LMTK2: variants seen among roughly 807,000 people sequenced by gnomAD.
The protein encoded by LMTK2 is serine/threonine-protein kinase LMTK2.
In LMTK2, 37 loss-of-function variants were observed where a neutral mutation model predicts 127.5. The observed-to-expected ratio is 0.29, with a 90% CI of 0.22 to 0.38. The LOEUF (loss-of-function observed/expected upper bound fraction) is 0.38. Ranked by LOEUF, LMTK2 falls within the 10% of genes least tolerant of loss-of-function variation. LMTK2 has a pLI of 1.00. For missense variants in LMTK2, 1,694 were observed against 1,920.3 expected (o/e 0.88, Z 2.20); for synonymous variants, 819 against 810.1 (o/e 1.01, Z -0.19).
At chr7:98,154,262 T>C (rs747254859) in intron 4 of LMTK2, among the ~76,000 whole-genome samples, 1 of 152,212 alleles carries the variant, frequency 6.6e-6, no homozygotes, top group Non-Finnish European at 1.5e-5. Flanking sequence ...CCGGGTATCA[T>C]TGGATGGAGT....
At chr7:98,187,350 T>A (rs1797451831) in intron 9 of LMTK2, among the ~76,000 whole-genome samples, 1 of 152,180 alleles carries the variant, frequency 6.6e-6, no homozygotes, top group South Asian at 2.1e-4. Flanking sequence ...ATGTTTATAC[T>A]ATGATTTATA....
In LMTK2 at chr7:98,202,164, C is replaced by A. The variant is rs79274119; in HGVS notation, c.4108-1410C>A. 1.3e-3 allele frequency among the ~76,000 whole-genome samples: 192 copies of A among 151,944 alleles called. 1 individual carries two copies. Among genetic ancestry groups the A allele is most frequent in the African/African-American group, 4.4e-3 (182 of 41,394 alleles). The stretch of plus-strand genomic sequence containing the variant: ...TTTGGATTGGGTGATTTCTGTTGCT[C>A]TGTCTTCAAGGTCCCTGATGATTTC... On this transcript the variant is annotated intron_variant, in intron 11 of 13. Coordinates refer to ENST00000297293, the MANE Select transcript of LMTK2 (RefSeq NM_014916.4).
intron 1 of LMTK2, among the ~76,000 whole-genome samples, chr7:98,115,407 C>G (rs1796263940): frequency 6.7e-6 from 1 of 148,286 alleles, no homozygotes; most frequent in South Asian, 2.1e-4. Flanking sequence ...CAGAGCGAGA[C>G]TCAAAGAAAG....
chr7:98,132,825 TTTAG>T (rs954497205), intron 1 of LMTK2, among the ~76,000 whole-genome samples: 7 of 152,158 alleles, frequency 4.6e-5, no homozygotes, highest in African/African-American at 1.7e-4. Context: ...CAGACAACTC[TTTAG>T]TTAATTACAT....
intron 3 of LMTK2, among the ~76,000 whole-genome samples, chr7:98,147,848 C>G (rs1024460433): frequency 1.3e-5 from 2 of 152,188 alleles, no homozygotes; most frequent in East Asian, 3.9e-4. Context: ...GAAACTCATT[C>G]TCCTGGTTTC....
intron 6 of LMTK2, among the ~76,000 whole-genome samples, chr7:98,168,530 C>T (rs1797137091): frequency 6.6e-6 from 1 of 152,208 alleles, no homozygotes; most frequent in Non-Finnish European, 1.5e-5. Context: ...ATGTTTTTCC[C>T]CAGAATCATC....
chr7:98,162,905 A>G (rs556885011), intron 6 of LMTK2, among the ~76,000 whole-genome samples: 1 of 152,304 alleles, frequency 6.6e-6, no homozygotes, highest in African/African-American at 2.4e-5. Flanking sequence ...CGATGGGTGA[A>G]TGGATAAACC....
chr7:98,129,875 A>G (rs549234316), intron 1 of LMTK2, among the ~76,000 whole-genome samples: 13 of 152,236 alleles, frequency 8.5e-5, no homozygotes, highest in African/African-American at 2.9e-4. Context: ...GGATTATACA[A>G]GCCTGGCCCG....
Position 98,117,346 on chromosome 7 carries a change from C to A in LMTK2, c.103+10066C>A, listed in dbSNP as rs143353814. 4.4e-3 allele frequency among the ~76,000 whole-genome samples: 670 copies of A among 152,302 alleles called. 4 individuals are homozygous for A. Among genetic ancestry groups the A allele is most frequent in the African/African-American group, 0.015 (627 of 41,572 alleles). On this transcript the variant is annotated intron_variant, in intron 1 of 13. Coordinates refer to ENST00000297293, the MANE Select transcript of LMTK2 (RefSeq NM_014916.4). ...TCATGACTCACTGCAGCCTTGAACT[C>A]CCGGGCCCATGCGATCCTCTGTTTA... is the stretch of plus-strand genomic sequence containing the variant.
intron 6 of LMTK2, among the ~76,000 whole-genome samples, chr7:98,160,277 A>G (rs879277801): frequency 1.3e-5 from 2 of 152,210 alleles, no homozygotes; most frequent in African/African-American, 2.4e-5. Flanking sequence ...TAATATTTTC[A>G]TCTGTTTAAA....
At chr7:98,107,356 C>A in intron 1 of LMTK2, 76 bp downstream of exon 1, 1 of 835,872 alleles carries the variant, frequency 1.2e-6, no homozygotes, top group Non-Finnish European at 1.6e-6. Flanking sequence ...GCCGGGCCGG[C>A]CTCGGCGCCG....
rs199681525 is a variant in LMTK2 at position 98,204,628 on chromosome 7, AAAAT to A, written c.4483+454_4483+457del. Among the ~76,000 whole-genome samples, 1,075 of 152,306 alleles carry A rather than the reference AAAAT, an allele frequency of 7.1e-3. 9 individuals are homozygous for A. The highest frequency in any genetic ancestry group is 0.027 in the Middle Eastern group (8 of 294). On this transcript the variant is annotated intron_variant, in intron 13 of 13. Transcript: ENST00000297293. ...GGTGACAGAGCAAGACCCTGCCTCT[AAAAT>A]AAATAAATAAAACTGCCAGCATCCT...
intron 6 of LMTK2, among the ~76,000 whole-genome samples, chr7:98,163,752 G>A (rs1328303395): frequency 2.0e-5 from 3 of 152,192 alleles, no homozygotes; most frequent in Non-Finnish European, 4.4e-5. Context: ...TCCCAGCCTG[G>A]ATGACCCAAA....
chr7:98,114,342 C>T (rs1244240972), intron 1 of LMTK2, among the ~76,000 whole-genome samples: 1 of 149,362 alleles, frequency 6.7e-6, no homozygotes, highest in Non-Finnish European at 1.5e-5. Context: ...TGGGCTAAAA[C>T]GATCCTCCCA....
At chr7:98,202,782 C>A (rs1797720942) in intron 11 of LMTK2, among the ~76,000 whole-genome samples, 2 of 152,156 alleles carry the variant, frequency 1.3e-5, no homozygotes, top group South Asian at 4.1e-4. Context: ...AGCCCAGGAG[C>A]CCCCCAGCAA....
chr7:98,122,127 G>A (rs984060389), intron 1 of LMTK2, among the ~76,000 whole-genome samples: 3 of 152,158 alleles, frequency 2.0e-5, no homozygotes, highest in Admixed American at 1.3e-4. Context: ...AAACTTGTAA[G>A]CATTCATTTG....
At chr7:98,196,037 A>T (rs1176890556) in intron 11 of LMTK2, among the ~76,000 whole-genome samples, 1 of 152,044 alleles carries the variant, frequency 6.6e-6, no homozygotes, top group Non-Finnish European at 1.5e-5. Context: ...TAAAAATATA[A>T]AAATTAGCCA....
Position 98,206,279 on chromosome 7 carries a change from T to A in LMTK2, c.*787T>A, listed in dbSNP as rs1435555181. ...CCACTGTTTTGTTGATGGACTTGAA[T>A]GCATTTTTGTCTCTTCTTGATGAAG... On this transcript the variant is annotated 3_prime_UTR_variant, in exon 14 of 14. Transcript: ENST00000297293. 1 of 152,286 alleles carries A rather than the reference T, an allele frequency of 6.6e-6. No individual in the cohort carries two copies. Among genetic ancestry groups the A allele is most frequent in the African/African-American group, 2.4e-5 (1 of 41,478 alleles). 9.4% of individuals were successfully genotyped at this position (152,286 alleles called of 1,614,324 possible).
intron 1 of LMTK2, among the ~76,000 whole-genome samples, chr7:98,127,480 TCTC>T (rs1325416693): frequency 6.6e-6 from 1 of 152,188 alleles, no homozygotes; most frequent in Non-Finnish European, 1.5e-5. Context: ...GGCACAGAAT[TCTC>T]CTATGCAAAT....
Sources: gnomAD v4.1 joint callset for allele counts (sites outside exome capture counted in the v4.1 genomes callset) on GRCh38, gnomAD v4.1.1 for gene constraint, MANE v1.5 for transcripts, NCBI Gene and HGNC (gene_info 2026-07-23, HGNC 2026-07-21) for gene names.